HHIP: variants seen among roughly 807,000 people sequenced by gnomAD.
The protein encoded by HHIP is hedgehog interacting protein.
Under a neutral mutation model 74.0 loss-of-function variants are expected in HHIP, and 12 were observed. That is an observed-to-expected ratio of 0.16 (90% CI 0.10 to 0.26). HHIP has a LOEUF of 0.26. Among genes scored for constraint, HHIP ranks in the 10% least tolerant of loss-of-function variants. HHIP has a pLI of 1.00. For missense variants in HHIP, 788 were observed against 845.0 expected, an observed-to-expected ratio of 0.93 and a Z score of 0.84; for synonymous variants, 309 against 311.6, an observed-to-expected ratio of 0.99 and a Z score of 0.09.
chr4:144,684,098 C>T (rs1244150585), intron 4 of HHIP, among the ~76,000 whole-genome samples: 2 of 150,630 alleles, frequency 1.3e-5, no homozygotes, highest in Admixed American at 6.6e-5. Context: ...TTAGGCCAGT[C>T]GCAGTGACTC....
chr4:144,726,174 A>G (rs1730800505), intron 11 of HHIP, among the ~76,000 whole-genome samples: 1 of 152,192 alleles, frequency 6.6e-6, no homozygotes, highest in Non-Finnish European at 1.5e-5. Flanking sequence ...TGAACAGAAT[A>G]TATTTCCTTC....
At position 144,715,281 on chromosome 4, in the gene HHIP, T is replaced by C. The variant is rs373763853; in HGVS notation, c.1548-19T>C. 38 of 1,608,954 alleles carry C rather than the reference T, an allele frequency of 2.4e-5. No individual in the cohort carries two copies. The African/African-American group carries it at 4.4e-4, about 19-fold the overall frequency. Reference sequence around the variant, plus strand: ...AAAGTGTGTATTCATTGTAGCTTTATGGTATGTTTCTGTTGTAGGAATTTC... The same window carrying C: ...AAAGTGTGTATTCATTGTAGCTTTACGGTATGTTTCTGTTGTAGGAATTTC... On this transcript the variant is annotated intron_variant, in intron 9 of 12. Coordinates refer to ENST00000296575, the MANE Select transcript of HHIP (RefSeq NM_022475.3).
At position 144,737,949 on chromosome 4, in the gene HHIP, A is replaced by G. The variant is rs201472759; in HGVS notation, c.2095A>G (p.Ile699Val). 9.4e-5 allele frequency: 151 copies of G among 1,601,730 alleles called. 1 individual carries two copies. In the East Asian group the frequency reaches 3.1e-3, roughly 33 times the overall value. The stretch of plus-strand genomic sequence containing the variant: ...TTACTTGCTGGATCTAACAAGTTAC[A>G]TTGTATAGTTTCTGGGACTGTTTGA... ...TSYLLDLTSY[I>V]V is the part of the protein sequence containing the mutation. The change falls in exon 13 of 13, where the codon ATT (isoleucine) becomes GTT (valine). Residue 699 changes from isoleucine to valine, a missense_variant. Ile to Val is a conservative substitution (Grantham distance 29). Coordinates refer to ENST00000296575, the MANE Select transcript of HHIP (RefSeq NM_022475.3).
At chr4:144,714,092 T>C (rs1730376381) in intron 8 of HHIP, 133 bp from the exon 9 acceptor site, 1 of 720,110 alleles carries the variant, frequency 1.4e-6, no homozygotes. Flanking sequence ...TAAATAGCTC[T>C]AGCAAGAAAC....
chr4:144,707,658 A>AAAAAAAAAAAAAAG (rs1730184044), intron 6 of HHIP, among the ~76,000 whole-genome samples: 1 of 151,174 alleles, frequency 6.6e-6, no homozygotes, highest in Non-Finnish European at 1.5e-5. Flanking sequence ...AAAAAAAAAA[A>AAAAAAAAAAAAAAG]GCAGTGTACT....
rs560636131 is a variant in HHIP, at chr4:144,707,093, T to C, written c.990T>C (p.Asn330=). 8.1e-6 allele frequency: 13 copies of C among 1,613,980 alleles called. No homozygotes were observed. The South Asian group carries it at 1.2e-4, about 15-fold the overall frequency. The change falls in exon 6 of 13, where the codon AAT becomes AAC. Residue 330 remains asparagine, a synonymous_variant. Transcript: ENST00000296575. ...TTTTCTTCCCACAATGTAGAAAAAATCCACACCAAGTTGATTTGAGAACAG... is the reference window on the plus strand; with the variant it reads ...TTTTCTTCCCACAATGTAGAAAAAACCCACACCAAGTTGATTTGAGAACAG... ...RVVEYTVSRK[N]PHQVDLRTAR...
At chr4:144,651,283 T>C (rs1728422119) in intron 1 of HHIP, among the ~76,000 whole-genome samples, 1 of 152,106 alleles carries the variant, frequency 6.6e-6, no homozygotes, top group Admixed American at 6.6e-5. Context: ...ATAACCTTTC[T>C]TTATATTGTA....
At chr4:144,716,854 GAAAAAAA>G (rs869028218) in intron 10 of HHIP, among the ~76,000 whole-genome samples, 16 of 54,654 alleles carry the variant, frequency 2.9e-4, no homozygotes, top group African/African-American at 5.0e-4. Flanking sequence ...CGTCTCAAAA[GAAAAAAA>G]AAAAAAAAAA....
chr4:144,715,265 A>G (rs370281435), intron 9 of HHIP, 35 bp from the exon 10 acceptor site: 1 of 1,575,400 alleles, frequency 6.3e-7, no homozygotes, highest in Non-Finnish European at 8.7e-7. Flanking sequence ...AAAAGTGTGT[A>G]TTCATTGTAG....
rs552359961 is a variant in HHIP, at chr4:144,710,644, G to A, written c.1302-1306G>A. 1.7e-4 allele frequency among the ~76,000 whole-genome samples: 26 copies of A among 152,178 alleles called. No homozygotes were observed. The South Asian group carries it at 4.4e-3, about 26-fold the overall frequency. ...GGCCTAGAACAGTGATTCTCAATGGGATAATTTTACCCCCAGGGGACATTT... is the reference window on the plus strand; with the variant it reads ...GGCCTAGAACAGTGATTCTCAATGGAATAATTTTACCCCCAGGGGACATTT... On this transcript the variant is annotated intron_variant, in intron 7 of 12. Transcript: ENST00000296575.
chr4:144,718,603 G>C (rs1379365411), intron 10 of HHIP, among the ~76,000 whole-genome samples: 1 of 152,170 alleles, frequency 6.6e-6, no homozygotes, highest in Non-Finnish European at 1.5e-5. Flanking sequence ...TGGCAACAGG[G>C]AGCTCAGTTA....
rs914516653 is a variant in HHIP, at chr4:144,707,097, C to T, written c.994C>T (p.His332Tyr). ...VEYTVSRKNP[H>Y]QVDLRTARVF... ...CTTCCCACAATGTAGAAAAAATCCACACCAAGTTGATTTGAGAACAGCCAG... is the reference window on the plus strand; with the variant it reads ...CTTCCCACAATGTAGAAAAAATCCATACCAAGTTGATTTGAGAACAGCCAG... Residue 332 changes from histidine to tyrosine, a missense_variant, in exon 6 of 13, where the codon CAC (histidine) becomes TAC (tyrosine). Physicochemically the swap from His to Tyr is moderately conservative, Grantham distance 83. Around this residue, in one of 3 missense-constraint regions of HHIP, gnomAD observed 72 missense variants for 130.6 expected, o/e 0.55. Transcript: ENST00000296575. 6.2e-7 allele frequency: 1 copy of T among 1,614,010 alleles called. No individual in the cohort carries two copies. Among genetic ancestry groups the T allele is most frequent in the South Asian group, 1.1e-5 (1 of 91,072 alleles).
chr4:144,684,110 C>T (rs1729416091), intron 4 of HHIP, among the ~76,000 whole-genome samples: 1 of 150,562 alleles, frequency 6.6e-6, no homozygotes, highest in Non-Finnish European at 1.5e-5. Flanking sequence ...CAGTGACTCA[C>T]GCCTGTAATC....
In HHIP at chr4:144,716,257, GT is replaced by G. The variant is rs1553942863; in HGVS notation, c.1678+835del. Among the ~76,000 whole-genome samples the G allele has an allele frequency of 2.6e-5, 4 of 151,912 alleles. No individual in the cohort carries two copies. The East Asian group carries it at 5.8e-4, about 22-fold the overall frequency. The stretch of plus-strand genomic sequence containing the variant: ...TATTTTCTCTAAAACTTCAGATTTG[GT>G]TTTTTTTACATCAAATGGAGACTTC... On this transcript the variant is annotated intron_variant, in intron 10 of 12. Transcript: ENST00000296575.
intron 4 of HHIP, among the ~76,000 whole-genome samples, chr4:144,676,380 T>G (rs973915337): frequency 2.3e-4 from 35 of 152,254 alleles, no homozygotes; most frequent in African/African-American, 8.0e-4. Flanking sequence ...CAAAAGCATT[T>G]GTTCATCATC....
At chr4:144,677,553 C>A (rs993176788) in intron 4 of HHIP, among the ~76,000 whole-genome samples, 3 of 152,138 alleles carry the variant, frequency 2.0e-5, no homozygotes, top group African/African-American at 7.2e-5. Context: ...AGGACAGAGT[C>A]CAAAGCACTC....
intron 4 of HHIP, among the ~76,000 whole-genome samples, chr4:144,700,483 A>T (rs1056807343): frequency 6.6e-6 from 1 of 152,190 alleles, no homozygotes; most frequent in Non-Finnish European, 1.5e-5. Context: ...TAAGGTTGCA[A>T]TGGAATTAAG....
intron 4 of HHIP, among the ~76,000 whole-genome samples, chr4:144,690,053 C>T (rs1729602974): frequency 6.6e-6 from 1 of 152,184 alleles, no homozygotes; most frequent in Non-Finnish European, 1.5e-5. Flanking sequence ...CCTGATCCAT[C>T]CACCTTGGCC....
chr4:144,666,711 G>C (rs1728874410), intron 4 of HHIP, among the ~76,000 whole-genome samples: 1 of 152,174 alleles, frequency 6.6e-6, no homozygotes, highest in Non-Finnish European at 1.5e-5. Context: ...AACAAGACTG[G>C]TGATGGTTGG....
Sources: allele counts gnomAD v4.1 joint callset (sites outside exome capture counted in the v4.1 genomes callset), GRCh38; gene constraint gnomAD v4.1.1; regional missense constraint gnomAD v4.1.1; transcripts MANE v1.5; gene names NCBI Gene and HGNC (gene_info 2026-07-23, HGNC 2026-07-21).